SRRM3: variants seen among roughly 807,000 people sequenced by gnomAD.
The protein encoded by SRRM3 is serine/arginine repetitive matrix protein 3.
SRRM3 carries 27 observed loss-of-function variants against 66.2 expected under a neutral mutation model. That is an observed-to-expected ratio of 0.41 (90% CI 0.30 to 0.56). The LOEUF (loss-of-function observed/expected upper bound fraction) is 0.56, where lower values mean the gene tolerates loss of function less well. Among genes scored for constraint, SRRM3 ranks in the 20% least tolerant of loss-of-function variants. The pLI, the probability that SRRM3 is intolerant of heterozygous loss-of-function variation, is 0.32. For missense variants in SRRM3, 918 were observed against 991.9 expected, an observed-to-expected ratio of 0.93 and a Z score of 1.00; for synonymous variants, 391 against 414.9, an observed-to-expected ratio of 0.94 and a Z score of 0.70.
At chr7:76,212,277 T>C (rs1554601803) in intron 1 of SRRM3, among the ~76,000 whole-genome samples, 4 of 150,386 alleles carry the variant, frequency 2.7e-5, no homozygotes, top group Non-Finnish European at 5.9e-5. Flanking sequence ...TCTTCCCAAG[T>C]AGCTGGGACC....
intron 1 of SRRM3, among the ~76,000 whole-genome samples, chr7:76,215,632 T>G (rs1373390781): frequency 2.0e-5 from 3 of 146,766 alleles, no homozygotes; most frequent in South Asian, 2.2e-4. Flanking sequence ...CTGGTTTTTT[T>G]TTTTTTTTTT....
At chr7:76,214,900 T>G (rs1261795294) in intron 1 of SRRM3, among the ~76,000 whole-genome samples, 1 of 152,024 alleles carries the variant, frequency 6.6e-6, no homozygotes, top group Non-Finnish European at 1.5e-5. Context: ...TGAGCCACTG[T>G]GCCCAGCTGG....
chr7:76,205,985 T>TG (rs143855473), intron 1 of SRRM3, among the ~76,000 whole-genome samples: 6,636 of 152,102 alleles, frequency 0.044, 176 homozygotes, highest in Middle Eastern at 0.078. Flanking sequence ...CCTTCGTGGG[T>TG]GGGGGGTCAT....
At chr7:76,210,186 C>A (rs1253476184) in intron 1 of SRRM3, among the ~76,000 whole-genome samples, 1 of 152,178 alleles carries the variant, frequency 6.6e-6, no homozygotes, top group East Asian at 1.9e-4. Context: ...CAGCTGATGG[C>A]ACAGCCCTTG....
chr7:76,234,682 C>T (rs566397887), intron 1 of SRRM3, among the ~76,000 whole-genome samples: 1 of 152,234 alleles, frequency 6.6e-6, no homozygotes, highest in South Asian at 2.1e-4. Context: ...TGTGTGCAAG[C>T]GGGCGCTGGG....
intron 3 of SRRM3, among the ~76,000 whole-genome samples, chr7:76,251,666 G>A (rs1160499334): frequency 4.6e-5 from 7 of 151,938 alleles, no homozygotes; most frequent in African/African-American, 1.7e-4. Flanking sequence ...GAGCCACCGC[G>A]CCCGGCCCCC....
At chr7:76,280,894 C>T (rs1802479974) in intron 11 of SRRM3, among the ~76,000 whole-genome samples, 1 of 151,424 alleles carries the variant, frequency 6.6e-6, no homozygotes, top group South Asian at 2.1e-4. Context: ...TTCCATCCTT[C>T]TCTCTCTTCG....
chr7:76,234,557 G>A (rs1260849907), intron 1 of SRRM3, among the ~76,000 whole-genome samples: 1 of 152,150 alleles, frequency 6.6e-6, no homozygotes, highest in Non-Finnish European at 1.5e-5. Flanking sequence ...CAGACTGGGA[G>A]GTAGGAACAC....
At chr7:76,259,881 T>A in intron 3 of SRRM3, 25 bp from the exon 4 acceptor site, 2 of 1,599,538 alleles carry the variant, frequency 1.3e-6, no homozygotes, top group Non-Finnish European at 1.7e-6. Context: ...CCGAGACTGG[T>A]GGTGAGCGTC....
chr7:76,267,447 T>G lies in SRRM3; in HGVS notation c.1008+12T>G. ...ACAGCCCGCCCGATGTACGTACGCT[T>G]CGCTTTGCGGAGGGTTCCCGCGCCG... On this transcript the variant is annotated intron_variant, in intron 11 of 14. Transcript: ENST00000611745. The G allele has an allele frequency of 7.5e-6, 10 of 1,335,678 alleles. No individual in the cohort carries two copies. Among genetic ancestry groups the G allele is most frequent in the Non-Finnish European group, 8.6e-6 (9 of 1,047,752 alleles). 82.7% of individuals were successfully genotyped at this position (1,335,678 alleles called of 1,614,324 possible). A position where few individuals can be genotyped will look rare whatever the true frequency, so the allele number is the denominator to read the frequency against.
Position 76,264,805 on chromosome 7 carries a change from G to C in SRRM3, c.715G>C (p.Glu239Gln). The change falls in exon 9 of 15, where the codon GAG (glutamate) becomes CAG (glutamine). Residue 239 changes from glutamate to glutamine, a missense_variant. Transcript: ENST00000611745. Reference protein sequence around the residue: ...SKCKRKEKNKEKKRPHTESPG... With the variant: ...SKCKRKEKNKQKKRPHTESPG... ...GTGCAAAAGAAAAGAGAAGAACAAA[G>C]AGAAGAAGAGGTAAGCGCCCTCCCT... 1 of 1,613,622 alleles carries C rather than the reference G, an allele frequency of 6.2e-7. No individual in the cohort carries two copies. Among genetic ancestry groups the C allele is most frequent in the South Asian group, 1.1e-5 (1 of 91,082 alleles).
intron 3 of SRRM3, 72 bp from the exon 4 acceptor site, chr7:76,259,833 GC>G (rs150272766): frequency 1.3e-6 from 2 of 1,591,428 alleles, no homozygotes; most frequent in Middle Eastern, 2.3e-4. Flanking sequence ...GCTAGGTCAG[GC>G]CCCCTGCGCC....
chr7:76,234,017 G>C (rs1199472233), intron 1 of SRRM3, among the ~76,000 whole-genome samples: 1 of 152,094 alleles, frequency 6.6e-6, no homozygotes, highest in Non-Finnish European at 1.5e-5. Context: ...CCCGATCCAA[G>C]ATGTCCAGGC....
chr7:76,251,833 C>T (rs1428360106), intron 3 of SRRM3, among the ~76,000 whole-genome samples: 1 of 151,930 alleles, frequency 6.6e-6, no homozygotes, highest in Non-Finnish European at 1.5e-5. Context: ...GAGGCTGAGG[C>T]GGTTGGATCA....
At chr7:76,217,810 G>C (rs1800607837) in intron 1 of SRRM3, among the ~76,000 whole-genome samples, 1 of 152,150 alleles carries the variant, frequency 6.6e-6, no homozygotes, top group Non-Finnish European at 1.5e-5. Flanking sequence ...TCTCCCAGCA[G>C]AATATCGTAA....
chr7:76,215,480 C>T (rs1800540575), intron 1 of SRRM3, among the ~76,000 whole-genome samples: 1 of 143,020 alleles, frequency 7.0e-6, no homozygotes, highest in Admixed American at 7.4e-5. Flanking sequence ...TAGCTTACTA[C>T]AGCCTCAACC....
chr7:76,276,413 C>T (rs1802349183), intron 11 of SRRM3, among the ~76,000 whole-genome samples: 1 of 152,120 alleles, frequency 6.6e-6, no homozygotes, highest in African/African-American at 2.4e-5. Context: ...ACCACGGCAG[C>T]CCCCTGGCTA....
intron 3 of SRRM3, among the ~76,000 whole-genome samples, chr7:76,252,463 A>G (rs1408994880): frequency 6.6e-6 from 1 of 152,180 alleles, no homozygotes; most frequent in Non-Finnish European, 1.5e-5. Context: ...CTGGGATTAT[A>G]GGCATGTGCC....
intron 3 of SRRM3, among the ~76,000 whole-genome samples, chr7:76,257,751 G>A (rs189958432): frequency 9.2e-5 from 14 of 151,954 alleles, no homozygotes; most frequent in South Asian, 4.2e-4. Context: ...CCAGCCTCGC[G>A]ACAGGGTGAG....
Sources: allele counts gnomAD v4.1 joint callset (sites outside exome capture counted in the v4.1 genomes callset), GRCh38; gene constraint gnomAD v4.1.1; transcripts MANE v1.5; gene names NCBI Gene and HGNC (gene_info 2026-07-23, HGNC 2026-07-21).